Variants in AOPEP observed in about 807,000 individuals in gnomAD.
AOPEP encodes aminopeptidase O (putative).
AOPEP carries 77 observed loss-of-function variants against 98.1 expected under a neutral mutation model. That is an observed-to-expected ratio of 0.78 (90% confidence interval 0.65 to 0.95). AOPEP has a LOEUF of 0.95. Ranked by LOEUF, AOPEP falls within the 40% of genes least tolerant of loss-of-function variation. The probability of loss-of-function intolerance (pLI) is 0.00; values close to 1 mark genes in which losing one functional copy is unlikely to be tolerated. For synonymous variants in AOPEP, 346 were observed against 365.3 expected (o/e 0.95, Z 0.60); for missense variants, 1,024 against 1,024.7 (o/e 1.00, Z 0.01).
intron 4 of AOPEP, among the ~76,000 whole-genome samples, chr9:94,797,429 C>CAAAAAA: frequency 1.0e-5 from 1 of 97,524 alleles, no homozygotes; most frequent in South Asian, 3.0e-4. Context: ...GACTCCGTCT[C>CAAAAAA]AAAAAAAAAA....
At chr9:94,732,642 G>T (rs1830818022) in intron 1 of AOPEP, among the ~76,000 whole-genome samples, 1 of 152,168 alleles carries the variant, frequency 6.6e-6, no homozygotes, top group Non-Finnish European at 1.5e-5. Flanking sequence ...TCAAGAAAGA[G>T]TGATGACTAG....
chr9:95,009,715 C>T (rs2062346609), intron 13 of AOPEP, among the ~76,000 whole-genome samples: 1 of 152,160 alleles, frequency 6.6e-6, no homozygotes, highest in African/African-American at 2.4e-5. Context: ...CAGCGCACTT[C>T]AATGTTACCT....
intron 7 of AOPEP, among the ~76,000 whole-genome samples, chr9:94,940,007 A>G (rs558479194): frequency 1.3e-5 from 2 of 152,388 alleles, no homozygotes; most frequent in South Asian, 4.1e-4. Context: ...CCCATCCCCA[A>G]GATATTTCAT....
chr9:95,121,047 T>C, the AOPEP span, among the ~76,000 whole-genome samples: 1 of 152,214 alleles, frequency 6.6e-6, no homozygotes, highest in Non-Finnish European at 1.5e-5. Context: ...AAAGGGCTGA[T>C]GGCCTCCAGT....
rs1246762350 is a variant in AOPEP at position 95,085,627 on chromosome 9, A to G, written c.*5-1055A>G. ...TGCTGCACAGTCAGCTTGGGTGCGG[A>G]GCGCGATCCTGGAGGATGAGAGACC... On this transcript the variant is annotated intron_variant, in intron 16 of 16. Transcript: ENST00000375315. 7.8e-6 allele frequency: 3 copies of G among 384,124 alleles called. No individual in the cohort carries two copies. The East Asian group carries it at 2.2e-4, about 28-fold the overall frequency. 23.8% of individuals were successfully genotyped at this position (384,124 alleles called of 1,614,324 possible).
chr9:94,926,960 A>G (rs1053635851), intron 6 of AOPEP, among the ~76,000 whole-genome samples: 5 of 152,194 alleles, frequency 3.3e-5, no homozygotes, highest in African/African-American at 1.2e-4. Flanking sequence ...CTTCACAGAC[A>G]TATTAGTCTG....
chr9:94,749,633 A>G (rs552648134), intron 1 of AOPEP, among the ~76,000 whole-genome samples: 1 of 152,190 alleles, frequency 6.6e-6, no homozygotes, highest in Admixed American at 6.5e-5. Flanking sequence ...TGTCTTCTAT[A>G]ATCATGAATC....
chr9:95,023,835 T>C (rs2063643087), intron 13 of AOPEP, among the ~76,000 whole-genome samples: 1 of 152,208 alleles, frequency 6.6e-6, no homozygotes, highest in African/African-American at 2.4e-5. Context: ...GGTCCAGTGT[T>C]TGTCCCAGCT....
At chr9:94,979,158 C>T (rs2060023987) in intron 10 of AOPEP, among the ~76,000 whole-genome samples, 1 of 152,154 alleles carries the variant, frequency 6.6e-6, no homozygotes, top group African/African-American at 2.4e-5. Context: ...TAGATTTCAT[C>T]GTGCATGTTG....
At chr9:94,875,434 G>A (rs1361044976) in intron 5 of AOPEP, among the ~76,000 whole-genome samples, 1 of 150,726 alleles carries the variant, frequency 6.6e-6, no homozygotes, top group African/African-American at 2.4e-5. Flanking sequence ...GCTGCCACAT[G>A]GTCAGATAAG....
At chr9:94,962,243 G>A (rs945312964) in intron 9 of AOPEP, among the ~76,000 whole-genome samples, 5 of 152,280 alleles carry the variant, frequency 3.3e-5, no homozygotes, top group South Asian at 2.1e-4. Flanking sequence ...GCAGTTCACC[G>A]AAGAGAGTCA....
chr9:95,110,510 T>A, the AOPEP span: 1 of 1,030,718 alleles, frequency 9.7e-7, no homozygotes, highest in Non-Finnish European at 1.2e-6. Flanking sequence ...ATACGTGGGT[T>A]ATAATTTTTT....
chr9:95,126,690 G>T, the AOPEP span: 3 of 1,113,030 alleles, frequency 2.7e-6, no homozygotes, highest in Non-Finnish European at 4.1e-6. Context: ...CCAGAAAACT[G>T]GCATACTCCT....
intron 11 of AOPEP, among the ~76,000 whole-genome samples, chr9:94,997,879 T>G (rs993289014): frequency 8.5e-5 from 13 of 152,062 alleles, no homozygotes; most frequent in Admixed American, 8.5e-4. Context: ...TTTCATTTTT[T>G]GTAGAGATGG....
chr9:95,020,613 TAA>T (rs869184200), intron 13 of AOPEP, among the ~76,000 whole-genome samples: 1 of 141,428 alleles, frequency 7.1e-6, no homozygotes, highest in African/African-American at 2.6e-5. Flanking sequence ...CAGTATTATT[TAA>T]AAAAAAAAAA....
At chr9:95,047,202 C>T (rs2065930724) in intron 13 of AOPEP, among the ~76,000 whole-genome samples, 1 of 152,176 alleles carries the variant, frequency 6.6e-6, no homozygotes, top group African/African-American at 2.4e-5. Flanking sequence ...AAATTTAAAT[C>T]TGTTTTTGAA....
intron 5 of AOPEP, among the ~76,000 whole-genome samples, chr9:94,836,398 T>A (rs2134633449): frequency 6.6e-6 from 1 of 152,312 alleles, no homozygotes; most frequent in South Asian, 2.1e-4. Context: ...GTTTTTAAAA[T>A]TTTAGTCATT....
At chr9:94,818,114 A>G (rs1327346803) in intron 5 of AOPEP, among the ~76,000 whole-genome samples, 3 of 152,206 alleles carry the variant, frequency 2.0e-5, no homozygotes, top group African/African-American at 7.2e-5. Context: ...TCAGTGCTCT[A>G]TCCCCAGCTC....
chr9:95,076,890 C>G (rs933693216), intron 14 of AOPEP, among the ~76,000 whole-genome samples: 3 of 152,228 alleles, frequency 2.0e-5, no homozygotes, highest in Non-Finnish European at 4.4e-5. Flanking sequence ...GAAACAGTTA[C>G]ATTTTTCTCC....
Sources: allele counts gnomAD v4.1 joint callset (sites outside exome capture counted in the v4.1 genomes callset), GRCh38; gene constraint gnomAD v4.1.1; transcripts MANE v1.5; gene names NCBI Gene and HGNC (gene_info 2026-07-23, HGNC 2026-07-21).